PTGR1: variants seen among roughly 807,000 people sequenced by gnomAD.
The protein encoded by PTGR1 is 15-oxoprostaglandin 13-reductase.
In PTGR1, 23 loss-of-function variants were observed where a neutral mutation model predicts 37.7. That is an observed-to-expected ratio of 0.61 (90% confidence interval 0.44 to 0.86). PTGR1 has a LOEUF of 0.86. PTGR1 is among the 40% of genes least tolerant of loss of function. PTGR1 has a pLI of 0.00. For synonymous variants in PTGR1, 134 were observed against 140.0 expected (o/e 0.96, Z 0.30); for missense variants, 351 against 394.3 (o/e 0.89, Z 0.93).
chr9:111,558,896 A>G (rs924162139), downstream of PTGR1, among the ~76,000 whole-genome samples: 1 of 151,996 alleles, frequency 6.6e-6, no homozygotes, highest in African/African-American at 2.4e-5. Context: ...CCTTATCTTT[A>G]ATTTACTTGT....
intron 2 of PTGR1, among the ~76,000 whole-genome samples, chr9:111,596,493 G>A (rs1229000156): frequency 6.6e-6 from 1 of 151,562 alleles, no homozygotes; most frequent in Non-Finnish European, 1.5e-5. Context: ...GCTCACGCCT[G>A]TAATCCCAGC....
chr9:111,567,314 A>G (rs1415130999), intron 9 of PTGR1, among the ~76,000 whole-genome samples: 1 of 152,076 alleles, frequency 6.6e-6, no homozygotes, highest in African/African-American at 2.4e-5. Context: ...CAGCCTCCCA[A>G]GTAGCTGGGA....
chr9:111,561,106 T>TAGAGAG (rs1240649497), downstream of PTGR1, among the ~76,000 whole-genome samples: 48 of 23,156 alleles, frequency 2.1e-3, 3 homozygotes, highest in Non-Finnish European at 3.0e-3. Flanking sequence ...TATATATATA[T>TAGAGAG]ATATAGAGAG....
chr9:111,582,411 C>T (rs1829309521), intron 6 of PTGR1, among the ~76,000 whole-genome samples: 1 of 152,180 alleles, frequency 6.6e-6, no homozygotes, highest in Non-Finnish European at 1.5e-5. Flanking sequence ...GTAATTTTAG[C>T]ACAATCCAAG....
chr9:111,596,638 G>A (rs1829790435), intron 2 of PTGR1, among the ~76,000 whole-genome samples: 2 of 151,780 alleles, frequency 1.3e-5, no homozygotes, highest in African/African-American at 2.4e-5. Context: ...GTGGGCGCCT[G>A]TAATCCCAGC....
At chr9:111,559,245 C>T (rs1828206735), downstream of PTGR1, among the ~76,000 whole-genome samples, 1 of 152,168 alleles carries the variant, frequency 6.6e-6, no homozygotes, top group Non-Finnish European at 1.5e-5. Context: ...CACCAGGCCA[C>T]CCCTTCACGT....
At chr9:111,553,135 A>G (rs375553476) in intron 9 of PTGR1, among the ~76,000 whole-genome samples, 5 of 152,372 alleles carry the variant, frequency 3.3e-5, no homozygotes, top group African/African-American at 9.6e-5. Flanking sequence ...GTTGCTAAAA[A>G]TTACATGTCT....
At chr9:111,586,241 G>C in intron 4 of PTGR1, 76 bp from the exon 5 acceptor site, 1 of 1,450,188 alleles carries the variant, frequency 6.9e-7, no homozygotes, top group African/African-American at 1.4e-5. Flanking sequence ...ATGCTGTGTG[G>C]TTAGTGTTGA....
intron 9 of PTGR1, among the ~76,000 whole-genome samples, chr9:111,567,110 G>C (rs1026240804): frequency 3.3e-5 from 5 of 151,754 alleles, no homozygotes; most frequent in Non-Finnish European, 5.9e-5. Flanking sequence ...AAGTCGGGGG[G>C]CGTGGGATAT....
At chr9:111,560,901 C>T (rs1416651518), downstream of PTGR1, among the ~76,000 whole-genome samples, 1 of 142,224 alleles carries the variant, frequency 7.0e-6, no homozygotes, top group Admixed American at 7.2e-5. Flanking sequence ...GGAGATCGCA[C>T]CACTGCACTC....
intron 5 of PTGR1, among the ~76,000 whole-genome samples, 200 bp downstream of exon 5, chr9:111,585,798 T>C (rs1226246671): frequency 6.6e-6 from 1 of 152,246 alleles, no homozygotes; most frequent in African/African-American, 2.4e-5. Context: ...GCTATGTATA[T>C]AGACCACGTT....
chr9:111,561,269 GTTGTT>G (rs1453213734), downstream of PTGR1, among the ~76,000 whole-genome samples: 1 of 150,774 alleles, frequency 6.6e-6, no homozygotes, highest in African/African-American at 2.4e-5. Flanking sequence ...TGCTTTTGTT[GTTGTT>G]TTGTTTTTAA....
intron 2 of PTGR1, among the ~76,000 whole-genome samples, chr9:111,594,958 G>A (rs1288721072): frequency 6.9e-6 from 1 of 145,240 alleles, no homozygotes. Context: ...AGGTTCAAGT[G>A]ATTCTCATGC....
At chr9:111,560,473 CA>C (rs752283590), downstream of PTGR1, among the ~76,000 whole-genome samples, 1,064 of 94,266 alleles carry the variant, frequency 0.011, 20 homozygotes, top group African/African-American at 0.04. Context: ...GACTCCATCT[CA>C]AAAAAAAAAA....
chr9:111,581,212 G>C (rs950673558), intron 6 of PTGR1, among the ~76,000 whole-genome samples: 3 of 152,114 alleles, frequency 2.0e-5, no homozygotes, highest in Non-Finnish European at 2.9e-5. Context: ...AGAAAGTACA[G>C]AATTCAGAGG....
chr9:111,595,928 C>T (rs1458814455), intron 2 of PTGR1, among the ~76,000 whole-genome samples: 1 of 152,156 alleles, frequency 6.6e-6, no homozygotes, highest in Non-Finnish European at 1.5e-5. Context: ...CCGCCACACC[C>T]AGCCGAGACT....
In PTGR1 at chr9:111,592,986, CAAAAAAAAAAAAAAAAAAAA is replaced by C. The variant is rs58142522; in HGVS notation, c.153-24_153-5del. 25 of 961,378 alleles carry C rather than the reference CAAAAAAAAAAAAAAAAAAAA, an allele frequency of 2.6e-5. No homozygotes were observed. The highest frequency in any genetic ancestry group is 3.0e-5 in the Non-Finnish European group (23 of 766,132). The allele number at this position is 961,378 out of a possible 1,614,324, so 59.6% of individuals were successfully genotyped here. A position where few individuals can be genotyped will look rare whatever the true frequency, so the allele number is the denominator to read the frequency against. On this transcript the variant is annotated splice_polypyrimidine_tract_variant and splice_region_variant and intron_variant, in intron 3 of 9. Transcript: ENST00000407693. ...CTTCAATCTTTTGGCTGCCACTCTG[CAAAAAAAAAAAAAAAAAAAA>C]AAAAAAAAAAATAGGTAAATAAATA... is the stretch of plus-strand genomic sequence containing the variant.
intron 9 of PTGR1, among the ~76,000 whole-genome samples, chr9:111,551,415 T>A (rs954272564): frequency 4.2e-5 from 6 of 141,488 alleles, no homozygotes; most frequent in Non-Finnish European, 9.2e-5. Flanking sequence ...TTTTTTTTTT[T>A]TTTTTTTTTT....
intron 8 of PTGR1, among the ~76,000 whole-genome samples, chr9:111,573,205 C>T (rs1828905308): frequency 6.6e-6 from 1 of 152,166 alleles, no homozygotes; most frequent in South Asian, 2.1e-4. Context: ...AAGAAAAGGC[C>T]TCCTGCAGCT....
Sources: gnomAD v4.1 joint callset for allele counts (sites outside exome capture counted in the v4.1 genomes callset) on GRCh38, gnomAD v4.1.1 for gene constraint, MANE v1.5 for transcripts, NCBI Gene and HGNC (gene_info 2026-07-23, HGNC 2026-07-21) for gene names.